Variants in SOX5 observed in about 807,000 individuals in gnomAD.
SOX5 encodes the protein SRY-box transcription factor 5, also known as transcription factor SOX-5.
Under a neutral mutation model 92.0 loss-of-function variants are expected in SOX5, and 9 were observed. The observed-to-expected ratio is 0.10, with a 90% confidence interval of 0.06 to 0.17. SOX5 has a LOEUF of 0.17. Ranked by LOEUF, SOX5 falls within the 10% of genes least tolerant of loss-of-function variation. SOX5 has a pLI of 1.00. For missense variants in SOX5, 642 were observed against 944.5 expected, an observed-to-expected ratio of 0.68 and a Z score of 4.20; for synonymous variants, 344 against 336.3, an observed-to-expected ratio of 1.02 and a Z score of -0.25.
intron 2 of SOX5, among the ~76,000 whole-genome samples, chr12:23,868,893 T>C (rs902685312): frequency 5.9e-5 from 9 of 152,188 alleles, no homozygotes; most frequent in African/African-American, 9.6e-5. Context: ...AAACCTCTTA[T>C]GACTCCTCAA....
intron 2 of SOX5, among the ~76,000 whole-genome samples, chr12:24,314,082 C>T (rs185603911): frequency 1.3e-5 from 2 of 152,172 alleles, no homozygotes; most frequent in African/African-American, 4.8e-5. Context: ...TGCCACCATG[C>T]TGATCTAATC....
chr12:24,033,955 A>T (rs1170062915), intron 4 of SOX5, among the ~76,000 whole-genome samples: 1 of 152,036 alleles, frequency 6.6e-6, no homozygotes, highest in African/African-American at 2.4e-5. Flanking sequence ...CGTTTTTTAT[A>T]GGTCATAATA....
At chr12:23,816,365 A>C (rs2095994212) in intron 3 of SOX5, among the ~76,000 whole-genome samples, 1 of 151,934 alleles carries the variant, frequency 6.6e-6, no homozygotes. Context: ...GCGCACCACG[A>C]TGCCCGGCTA....
intron 9 of SOX5, among the ~76,000 whole-genome samples, chr12:23,599,204 T>A (rs11046999): frequency 0.14 from 20,993 of 152,210 alleles, 1,817 homozygotes; most frequent in South Asian, 0.21. Flanking sequence ...TGAAAGAGGC[T>A]CAGATAACAA....
rs1956268710 is a variant in SOX5 at position 24,188,969 on chromosome 12, T to C, written c.-2+24374A>G. On this transcript the variant is annotated intron_variant, in intron 4 of 4. Transcript: ENST00000446891. ...TGTTGCAAAATAATATCCCATTACC[T>C]TCAGTGATCATGTCCAAGATATATT... Among the ~76,000 whole-genome samples the C allele has an allele frequency of 1.3e-5, 2 of 152,146 alleles. 1 individual carries two copies. The highest frequency in any genetic ancestry group is 3.9e-4 in the East Asian group (2 of 5,192).
At chr12:23,787,406 T>C (rs775889083) in intron 3 of SOX5, among the ~76,000 whole-genome samples, 9 of 152,126 alleles carry the variant, frequency 5.9e-5, no homozygotes, top group Middle Eastern at 6.8e-3. Context: ...CCTTTGTGAC[T>C]ACTTAAAACA....
intron 2 of SOX5, among the ~76,000 whole-genome samples, chr12:23,847,181 C>T (rs1232088628): frequency 6.6e-6 from 1 of 152,054 alleles, no homozygotes; most frequent in East Asian, 1.9e-4. Flanking sequence ...TAGTCTCTTA[C>T]TTCCATAATC....
chr12:24,540,250 C>T (rs1353830345), intron 1 of SOX5, among the ~76,000 whole-genome samples: 1 of 152,054 alleles, frequency 6.6e-6, no homozygotes, highest in South Asian at 2.1e-4. Flanking sequence ...AGGTATTTGG[C>T]CTTGCATTCC....
intron 2 of SOX5, among the ~76,000 whole-genome samples, chr12:23,852,241 T>C (rs1239189100): frequency 1.3e-5 from 2 of 152,138 alleles, no homozygotes; most frequent in East Asian, 3.8e-4. Context: ...TCTAATTTTT[T>C]CTAACTTTTA....
intron 1 of SOX5, among the ~76,000 whole-genome samples, chr12:24,558,497 CA>C (rs1285672477): frequency 5.9e-5 from 9 of 152,124 alleles, no homozygotes; most frequent in Admixed American, 5.9e-4. Context: ...CTGGCTAAAA[CA>C]AACTAAAAGT....
At chr12:23,811,927 T>G (rs1446794728) in intron 3 of SOX5, among the ~76,000 whole-genome samples, 1 of 152,132 alleles carries the variant, frequency 6.6e-6, no homozygotes, top group Admixed American at 6.6e-5. Flanking sequence ...TCAGAATATA[T>G]GAAAAGCTTA....
intron 6 of SOX5, among the ~76,000 whole-genome samples, chr12:23,680,192 G>A (rs2086359531): frequency 6.6e-6 from 1 of 151,518 alleles, no homozygotes; most frequent in South Asian, 2.1e-4. Context: ...CAGGTGTGGT[G>A]GCATATGTCT....
intron 2 of SOX5, among the ~76,000 whole-genome samples, chr12:24,292,630 T>A (rs1172654410): frequency 6.6e-6 from 1 of 152,214 alleles, no homozygotes; most frequent in Non-Finnish European, 1.5e-5. Context: ...TTTGTAGAGA[T>A]AAAGAAGATA....
At chr12:24,397,944 G>A (rs1019443911) in intron 1 of SOX5, among the ~76,000 whole-genome samples, 4 of 151,976 alleles carry the variant, frequency 2.6e-5, no homozygotes, top group Non-Finnish European at 5.9e-5. Flanking sequence ...CCGACTCCCG[G>A]GTTCACGCCA....
chr12:24,296,314 C>T (rs191428200), intron 2 of SOX5, among the ~76,000 whole-genome samples: 2 of 152,314 alleles, frequency 1.3e-5, no homozygotes, highest in Admixed American at 1.3e-4. Flanking sequence ...GTAACTGTTT[C>T]CACATTATTG....
intron 1 of SOX5, among the ~76,000 whole-genome samples, chr12:24,416,097 T>C (rs1964968444): frequency 6.6e-6 from 1 of 152,190 alleles, no homozygotes; most frequent in Admixed American, 6.5e-5. Flanking sequence ...TCCTGGGTAC[T>C]GAAAGGGCAA....
intron 4 of SOX5, among the ~76,000 whole-genome samples, chr12:24,152,754 G>A (rs1344515262): frequency 1.3e-5 from 2 of 151,942 alleles, no homozygotes; most frequent in Admixed American, 6.6e-5. Flanking sequence ...CCATAGGACA[G>A]GATAGTATTG....
intron 4 of SOX5, among the ~76,000 whole-genome samples, chr12:24,006,572 G>A (rs1279420188): frequency 6.6e-6 from 1 of 151,938 alleles, no homozygotes; most frequent in African/African-American, 2.4e-5. Flanking sequence ...TTCTGTGCCT[G>A]GACCTGTGCC....
At chr12:24,374,324 C>A (rs1422003133) in intron 1 of SOX5, among the ~76,000 whole-genome samples, 2 of 152,070 alleles carry the variant, frequency 1.3e-5, no homozygotes, top group African/African-American at 4.8e-5. Flanking sequence ...CTGGGAATCC[C>A]TGTTTTTAGT....
Sources: allele counts gnomAD v4.1 joint callset (sites outside exome capture counted in the v4.1 genomes callset), GRCh38; gene constraint gnomAD v4.1.1; transcripts MANE v1.5; gene names NCBI Gene and HGNC (gene_info 2026-07-23, HGNC 2026-07-21).